The following PTPRN2 variants were observed in gnomAD, a reference collection of about 807,000 sequenced individuals.
PTPRN2 encodes protein tyrosine phosphatase receptor type N2.
PTPRN2 carries 74 observed loss-of-function variants against 118.8 expected under a neutral mutation model. The observed-to-expected ratio is 0.62, with a 90% CI of 0.52 to 0.76. The LOEUF (loss-of-function observed/expected upper bound fraction) is 0.76, where lower values mean the gene tolerates loss of function less well. Ranked by LOEUF, PTPRN2 falls within the 30% of genes least tolerant of loss-of-function variation. PTPRN2 has a pLI of 0.00. For synonymous variants in PTPRN2, 641 were observed against 608.0 expected, an observed-to-expected ratio of 1.05 and a Z score of -0.80; for missense variants, 1,481 against 1,394.4, an observed-to-expected ratio of 1.06 and a Z score of -0.99.
chr7:158,149,544 C>G (rs1047755875), intron 6 of PTPRN2, among the ~76,000 whole-genome samples: 1 of 152,118 alleles, frequency 6.6e-6, no homozygotes, highest in Non-Finnish European at 1.5e-5. Flanking sequence ...TGGCTCATGC[C>G]TGTAATCCCA....
chr7:157,874,738 C>T lies in PTPRN2; in HGVS notation c.1788+23935G>A, dbSNP rs1483824771. Among the ~76,000 whole-genome samples the T allele has an allele frequency of 5.9e-5, 9 of 151,708 alleles. No individual in the cohort carries two copies. In the Admixed American group the frequency reaches 5.9e-4, roughly 10 times the overall value. On this transcript the variant is annotated intron_variant, in intron 12 of 22. Coordinates refer to ENST00000389418, the MANE Select transcript of PTPRN2 (RefSeq NM_002847.5). This position sits in a 1 kb window ranked among gnomAD's most constrained non-coding sequence, Gnocchi z 5.8. ...ATGCACACACACACAGAGACACACT[C>T]ATGCACATACACAGACACACACTCA... is the stretch of plus-strand genomic sequence containing the variant.
intron 14 of PTPRN2, among the ~76,000 whole-genome samples, chr7:157,646,152 G>T: frequency 6.6e-6 from 1 of 152,190 alleles, no homozygotes; most frequent in East Asian, 1.9e-4. Context: ...GCATGGCCTT[G>T]TGATGTGGTT....
At chr7:158,114,140 G>A (rs1299193380) in intron 9 of PTPRN2, among the ~76,000 whole-genome samples, 2 of 152,224 alleles carry the variant, frequency 1.3e-5, no homozygotes, top group African/African-American at 2.4e-5. Context: ...AGTGGTTACA[G>A]CAATGGAAAG....
intron 17 of PTPRN2, 143 bp downstream of exon 17, chr7:157,595,095 C>G (rs1423333550): frequency 1.3e-6 from 1 of 759,958 alleles, no homozygotes; most frequent in African/African-American, 1.8e-5. Flanking sequence ...AAAATATGAA[C>G]AGACTGAAAT....
rs545254089 is a variant in PTPRN2 at position 158,179,860 on chromosome 7, C to T, written c.549+12467G>A. Among the ~76,000 whole-genome samples, 4 of 152,338 alleles carry T rather than the reference C, an allele frequency of 2.6e-5. No individual in the cohort carries two copies. The South Asian group carries it at 8.3e-4, about 32-fold the overall frequency. ...AACTGCCCCTTTCCATGGCAATGACCTGATGACCCAAAAGTTACTACCCCT... is the reference window on the plus strand; with the variant it reads ...AACTGCCCCTTTCCATGGCAATGACTTGATGACCCAAAAGTTACTACCCCT... On this transcript the variant is annotated intron_variant, in intron 5 of 22. Transcript: ENST00000389418.
At chr7:157,662,152 T>G (rs886810750) in intron 13 of PTPRN2, among the ~76,000 whole-genome samples, 2 of 152,158 alleles carry the variant, frequency 1.3e-5, no homozygotes, top group African/African-American at 4.8e-5. Flanking sequence ...AACACTAATC[T>G]CTGTGTGCCT....
chr7:157,543,383 C>G (rs549023436), intron 22 of PTPRN2, among the ~76,000 whole-genome samples: 12 of 152,254 alleles, frequency 7.9e-5, no homozygotes, highest in Admixed American at 2.6e-4. Flanking sequence ...GTGGGACGGC[C>G]GAGCCAGGCT....
At chr7:158,542,570 T>C (rs548514841) in intron 1 of PTPRN2, among the ~76,000 whole-genome samples, 10 of 152,338 alleles carry the variant, frequency 6.6e-5, no homozygotes, top group African/African-American at 1.9e-4. Flanking sequence ...CAGCGCCATT[T>C]TTAAATGTAG....
chr7:158,190,023 A>G (rs555824527), intron 5 of PTPRN2, among the ~76,000 whole-genome samples: 3 of 152,334 alleles, frequency 2.0e-5, no homozygotes, highest in South Asian at 2.1e-4. Context: ...GATTCCTCTC[A>G]TCAGAGTCGG....
At chr7:158,270,855 C>T (rs1417154892) in intron 3 of PTPRN2, among the ~76,000 whole-genome samples, 2 of 69,690 alleles carry the variant, frequency 2.9e-5, no homozygotes, top group East Asian at 6.5e-4. Flanking sequence ...CTGGACCGCC[C>T]CCCCACCTGG....
chr7:158,161,659 A>G (rs1478874371), intron 6 of PTPRN2, among the ~76,000 whole-genome samples: 2 of 152,210 alleles, frequency 1.3e-5, no homozygotes, highest in African/African-American at 2.4e-5. Context: ...ACTCTGGATG[A>G]CCTTGGGTTT....
At chr7:157,951,450 C>A (rs1560952) in intron 11 of PTPRN2, among the ~76,000 whole-genome samples, 1 of 151,848 alleles carries the variant, frequency 6.6e-6, no homozygotes, top group Non-Finnish European at 1.5e-5. Flanking sequence ...CTTCAGTCCC[C>A]GGAGGCGCTG....
chr7:157,581,159 C>T (rs118075931), intron 17 of PTPRN2, among the ~76,000 whole-genome samples: 6,074 of 152,018 alleles, frequency 0.04, 158 homozygotes, highest in Non-Finnish European at 0.064. Flanking sequence ...ACCTGCACAC[C>T]TGAGCCCCTG....
At chr7:157,954,351 G>A (rs935659263) in intron 11 of PTPRN2, among the ~76,000 whole-genome samples, 1 of 151,426 alleles carries the variant, frequency 6.6e-6, no homozygotes, top group Non-Finnish European at 1.5e-5. Flanking sequence ...GTGCACGTGT[G>A]CTGTGTGGTG....
intron 12 of PTPRN2, among the ~76,000 whole-genome samples, chr7:157,759,377 T>C (rs1021799251): frequency 3.3e-5 from 5 of 152,200 alleles, no homozygotes; most frequent in Non-Finnish European, 7.4e-5. Context: ...GCTTCCTGGA[T>C]GGACTGGCTC....
intron 12 of PTPRN2, among the ~76,000 whole-genome samples, chr7:157,853,237 A>C (rs1316571552): frequency 6.6e-6 from 1 of 152,120 alleles, no homozygotes; most frequent in Non-Finnish European, 1.5e-5. Flanking sequence ...AGCAAGATGG[A>C]GACCCAGAGG....
chr7:158,342,381 C>G (rs202059123), intron 2 of PTPRN2, among the ~76,000 whole-genome samples: 340 of 98,946 alleles, frequency 3.4e-3, no homozygotes, highest in Middle Eastern at 6.0e-3. Context: ...ACCATAAGAG[C>G]TGACATCTGC....
chr7:158,083,617 C>G (rs550410366), intron 10 of PTPRN2, among the ~76,000 whole-genome samples: 1 of 152,328 alleles, frequency 6.6e-6, no homozygotes, highest in East Asian at 1.9e-4. Context: ...ACGTGGGGGC[C>G]GCAGGAGAGG....
At chr7:158,140,402 T>C (rs4909276) in intron 6 of PTPRN2, among the ~76,000 whole-genome samples, 80,883 of 152,060 alleles carry the variant, frequency 0.53, 24,839 homozygotes, top group African/African-American at 0.87. Flanking sequence ...GAGAGTTAAA[T>C]GAGACTGTGG....
Sources: gnomAD v4.1 joint callset for allele counts (sites outside exome capture counted in the v4.1 genomes callset) on GRCh38, gnomAD v4.1.1 for gene constraint, Gnocchi (gnomAD v3.1) non-coding constraint, MANE v1.5 for transcripts, NCBI Gene and HGNC (gene_info 2026-07-23, HGNC 2026-07-21) for gene names.